MARCHF1: variants seen among roughly 807,000 people sequenced by gnomAD.
The protein encoded by MARCHF1 is E3 ubiquitin-protein ligase MARCHF1.
MARCHF1 carries 40 observed loss-of-function variants against 54.2 expected under a neutral mutation model. That is an observed-to-expected ratio of 0.74 (90% CI 0.57 to 0.96). The LOEUF (loss-of-function observed/expected upper bound fraction) is 0.96. Among genes scored for constraint, MARCHF1 ranks in the 40% least tolerant of loss-of-function variants. The pLI is 0.00. For synonymous variants in MARCHF1, 236 were observed against 236.3 expected (o/e 1.00, Z 0.01); for missense variants, 586 against 656.5 (o/e 0.89, Z 1.17).
chr4:163,694,196 T>C (rs1018718255), intron 5 of MARCHF1, among the ~76,000 whole-genome samples: 23 of 152,172 alleles, frequency 1.5e-4, no homozygotes, highest in African/African-American at 5.5e-4. Flanking sequence ...TGGATCTGGG[T>C]GGCTCAAAGG....
At chr4:163,938,540 C>T (rs1751848087) in intron 3 of MARCHF1, among the ~76,000 whole-genome samples, 1 of 152,126 alleles carries the variant, frequency 6.6e-6, no homozygotes, top group Non-Finnish European at 1.5e-5. Flanking sequence ...ACAATGGCCA[C>T]ATTGTACCCT....
chr4:163,687,758 T>A (rs539335011), intron 5 of MARCHF1, among the ~76,000 whole-genome samples: 83 of 152,182 alleles, frequency 5.5e-4, no homozygotes, highest in Non-Finnish European at 1.2e-3. Flanking sequence ...CCTTTCTTAT[T>A]TCAGTAGAAA....
intron 1 of MARCHF1, among the ~76,000 whole-genome samples, chr4:164,280,807 GAACA>G (rs1734007171): frequency 2.6e-5 from 4 of 152,018 alleles, no homozygotes; most frequent in African/African-American, 9.7e-5. Context: ...GATAAAACTA[GAACA>G]TACATTTCTA....
At chr4:164,003,589 G>A (rs1477877570) in intron 2 of MARCHF1, among the ~76,000 whole-genome samples, 1 of 151,942 alleles carries the variant, frequency 6.6e-6, no homozygotes, top group Non-Finnish European at 1.5e-5. Flanking sequence ...AAATAATGAG[G>A]TACCATCTCA....
intron 4 of MARCHF1, among the ~76,000 whole-genome samples, chr4:163,838,274 G>T (rs1202035674): frequency 6.6e-6 from 1 of 152,074 alleles, no homozygotes; most frequent in African/African-American, 2.4e-5. Flanking sequence ...ATCCTCCCAT[G>T]CACTTTAAAT....
chr4:163,633,513 GA>G (rs1281934847), intron 5 of MARCHF1, among the ~76,000 whole-genome samples: 1 of 152,132 alleles, frequency 6.6e-6, no homozygotes, highest in African/African-American at 2.4e-5. Flanking sequence ...AAGATGAAAT[GA>G]ATGAAATGAA....
chr4:164,185,666 G>T (rs1730948782), intron 1 of MARCHF1, among the ~76,000 whole-genome samples: 1 of 152,048 alleles, frequency 6.6e-6, no homozygotes, highest in African/African-American at 2.4e-5. Context: ...GAGTTTGAAA[G>T]TAGACTTTTT....
chr4:163,864,728 T>C (rs150838860), intron 3 of MARCHF1, among the ~76,000 whole-genome samples: 1 of 152,038 alleles, frequency 6.6e-6, no homozygotes, highest in East Asian at 1.9e-4. Context: ...TTCAGGTCGG[T>C]GAAAACTACA....
At chr4:164,322,803 A>G (rs758829460) in intron 1 of MARCHF1, among the ~76,000 whole-genome samples, 12 of 152,044 alleles carry the variant, frequency 7.9e-5, no homozygotes, top group Non-Finnish European at 1.3e-4. Flanking sequence ...TATCAATAAT[A>G]TTGTCAGCTC....
At chr4:164,176,978 C>CTATATATATATATATATA (rs1225209896) in intron 1 of MARCHF1, among the ~76,000 whole-genome samples, 3 of 38,864 alleles carry the variant, frequency 7.7e-5, no homozygotes, top group African/African-American at 1.1e-4. Flanking sequence ...CTCTCTCTCT[C>CTATATATATATATATATA]TCTATATATA....
intron 5 of MARCHF1, among the ~76,000 whole-genome samples, chr4:163,638,696 T>C (rs868465949): frequency 6.6e-6 from 1 of 152,176 alleles, no homozygotes; most frequent in Non-Finnish European, 1.5e-5. Flanking sequence ...GCAGGATCTC[T>C]AATAGATATT....
chr4:163,896,299 C>T (rs1208991775), intron 3 of MARCHF1, among the ~76,000 whole-genome samples: 8 of 152,228 alleles, frequency 5.3e-5, no homozygotes, highest in Non-Finnish European at 4.4e-5. Context: ...TTTCTTTCAC[C>T]TCTGTAGCAC....
At chr4:163,667,123 T>C (rs1743563688) in intron 5 of MARCHF1, among the ~76,000 whole-genome samples, 1 of 152,172 alleles carries the variant, frequency 6.6e-6, no homozygotes, top group Non-Finnish European at 1.5e-5. Flanking sequence ...GACATTCTGA[T>C]AAGGCACATC....
At chr4:164,154,514 C>T (rs1730025591) in intron 1 of MARCHF1, among the ~76,000 whole-genome samples, 1 of 152,196 alleles carries the variant, frequency 6.6e-6, no homozygotes, top group African/African-American at 2.4e-5. Flanking sequence ...GGAGAGTTCC[C>T]TGACCCCCAC....
intron 1 of MARCHF1, among the ~76,000 whole-genome samples, chr4:164,141,774 T>C (rs374774127): frequency 6.6e-6 from 1 of 152,238 alleles, no homozygotes; most frequent in Non-Finnish European, 1.5e-5. Flanking sequence ...GTGCAATCTA[T>C]ATTTTAAAAG....
chr4:163,634,691 G>C (rs1210490232), intron 5 of MARCHF1, among the ~76,000 whole-genome samples: 1 of 151,592 alleles, frequency 6.6e-6, no homozygotes, highest in Non-Finnish European at 1.5e-5. Flanking sequence ...AGATCAACGA[G>C]AAAGAAAGTC....
At chr4:164,095,735 T>C (rs1256314082) in intron 2 of MARCHF1, among the ~76,000 whole-genome samples, 1 of 152,008 alleles carries the variant, frequency 6.6e-6, no homozygotes, top group Non-Finnish European at 1.5e-5. Flanking sequence ...ACTTAAACTT[T>C]TTAAATTTAA....
intron 5 of MARCHF1, among the ~76,000 whole-genome samples, chr4:163,654,683 A>G (rs1743079291): frequency 6.6e-6 from 1 of 151,564 alleles, no homozygotes; most frequent in African/African-American, 2.4e-5. Context: ...TTCTTTTGCC[A>G]TTTATTGGCC....
At chr4:164,299,237 A>C (rs912452485) in intron 1 of MARCHF1, among the ~76,000 whole-genome samples, 1 of 152,112 alleles carries the variant, frequency 6.6e-6, no homozygotes, top group Admixed American at 6.6e-5. Context: ...TCTCCATTAA[A>C]ATGGCCTCCT....
Sources: gnomAD v4.1 joint callset for allele counts (sites outside exome capture counted in the v4.1 genomes callset) on GRCh38, gnomAD v4.1.1 for gene constraint, MANE v1.5 for transcripts, NCBI Gene and HGNC (gene_info 2026-07-23, HGNC 2026-07-21) for gene names.